TP53BP1: variants seen among roughly 807,000 people sequenced by gnomAD.
TP53BP1 encodes the protein TP53-binding protein 1.
A neutral mutation model predicts 200.8 loss-of-function variants in TP53BP1; 61 were observed. The ratio of observed to expected loss-of-function variants is 0.30; its 90% confidence interval spans 0.25 to 0.38. The LOEUF (loss-of-function observed/expected upper bound fraction) is 0.38. Among genes scored for constraint, TP53BP1 ranks in the 10% least tolerant of loss-of-function variants. TP53BP1 has a pLI of 1.00. For synonymous variants in TP53BP1, 822 were observed against 844.3 expected (o/e 0.97, Z 0.46); for missense variants, 2,144 against 2,371.9 (o/e 0.90, Z 2.00).
In TP53BP1 at chr15:43,458,159, C is replaced by T. The variant is rs565042271; in HGVS notation, c.1390-941G>A. 3.7e-4 allele frequency among the ~76,000 whole-genome samples: 56 copies of T among 152,122 alleles called. 1 individual carries two copies. The South Asian group carries it at 0.011, about 30-fold the overall frequency. ...AAAAGCAACTAACATAGGCCAGGCACGGTGGCTCACACCTGTAATCCCAGC... is the reference window on the plus strand; with the variant it reads ...AAAAGCAACTAACATAGGCCAGGCATGGTGGCTCACACCTGTAATCCCAGC... On this transcript the variant is annotated intron_variant, in intron 11 of 27. Transcript: ENST00000382044.
At chr15:43,416,622 G>GAA in intron 21 of TP53BP1, 1 of 415,118 alleles carries the variant, frequency 2.4e-6, no homozygotes. Flanking sequence ...TTAGGACAAG[G>GAA]AAAGTTTCTT....
rs944474760 is a variant in TP53BP1 at position 43,455,897 on chromosome 15, G to T, written c.2711C>A (p.Ser904Tyr). The change falls in exon 12 of 28, where the codon TCT becomes TAT. Residue 904 changes from serine to tyrosine, a missense_variant. Physicochemically the swap from Ser to Tyr is moderately radical, Grantham distance 144. Coordinates refer to ENST00000382044, the MANE Select transcript of TP53BP1 (RefSeq NM_001141980.3). ...TAATCTACAATCACACTCACCACTA[G>T]AACTTTCACAGAAGCTTTGTGAGGC... Reference protein sequence around the residue: ...AHASQSFCESSSETPFHFTLP... With the variant: ...AHASQSFCESYSETPFHFTLP... 6.2e-7 allele frequency: 1 copy of T among 1,613,828 alleles called. No homozygotes were observed. The highest frequency in any genetic ancestry group is 1.3e-5 in the African/African-American group (1 of 74,900).
rs1428273848 is a variant in TP53BP1 at position 43,485,276 on chromosome 15, T to C, written c.372-4254A>G. 2.0e-5 allele frequency among the ~76,000 whole-genome samples: 3 copies of C among 152,008 alleles called. No individual in the cohort carries two copies. The South Asian group carries it at 6.2e-4, about 32-fold the overall frequency. On this transcript the variant is annotated intron_variant, in intron 4 of 27. Coordinates refer to ENST00000382044, the MANE Select transcript of TP53BP1 (RefSeq NM_001141980.3). ...CCAAGAACACCTGGCACACAGAAAATACTCAATAGAAGGTACTTTGGCCGG... is the reference window on the plus strand; with the variant it reads ...CCAAGAACACCTGGCACACAGAAAACACTCAATAGAAGGTACTTTGGCCGG...
chr15:43,423,231 C>T (rs560564892), intron 18 of TP53BP1, among the ~76,000 whole-genome samples: 2 of 150,448 alleles, frequency 1.3e-5, no homozygotes, highest in Non-Finnish European at 3.0e-5. Context: ...GCTATGGGCA[C>T]AGCATAGAGA....
chr15:43,422,289 G>A (rs1229816875), intron 18 of TP53BP1, among the ~76,000 whole-genome samples, 163 bp from the exon 19 acceptor site: 2 of 152,094 alleles, frequency 1.3e-5, no homozygotes, highest in Admixed American at 1.3e-4. Context: ...GTTTTGAGTA[G>A]TGGTTAGATA....
chr15:43,495,532 C>CACACACACA (rs1288150243), upstream of TP53BP1, among the ~76,000 whole-genome samples: 2 of 141,804 alleles, frequency 1.4e-5, no homozygotes, highest in East Asian at 2.1e-4. Flanking sequence ...CACACACACA[C>CACACACACA]AAAAGCCAGG....
At chr15:43,500,022 C>T (rs773852120) in intron 1 of TP53BP1, among the ~76,000 whole-genome samples, 12 of 152,152 alleles carry the variant, frequency 7.9e-5, no homozygotes, top group Non-Finnish European at 1.3e-4. Flanking sequence ...TACTCTCACT[C>T]CTTTCTTGAT....
chr15:43,496,519 C>T (rs1485931776), upstream of TP53BP1, among the ~76,000 whole-genome samples: 2 of 152,082 alleles, frequency 1.3e-5, no homozygotes, highest in East Asian at 1.9e-4. Flanking sequence ...AGTTGCTTCA[C>T]GATCTTATGA....
chr15:43,495,848 C>G (rs573546597), upstream of TP53BP1, among the ~76,000 whole-genome samples: 12 of 151,460 alleles, frequency 7.9e-5, no homozygotes, highest in South Asian at 2.5e-3. Context: ...AAACCTCAGC[C>G]TGACTAAAAA....
At chr15:43,473,414 C>G (rs1184090068) in intron 10 of TP53BP1, among the ~76,000 whole-genome samples, 6 of 152,116 alleles carry the variant, frequency 3.9e-5, no homozygotes, top group Admixed American at 1.3e-4. Context: ...CACGTCCCCA[C>G]CAGATTAGCT....
chr15:43,422,241 C>G, intron 18 of TP53BP1, 115 bp from the exon 19 acceptor site: 1 of 1,235,850 alleles, frequency 8.1e-7, no homozygotes, highest in Non-Finnish European at 1.1e-6. Context: ...AGGTGAGAAT[C>G]AGGAGACTTT....
chr15:43,407,681 CTAT>C, intron 27 of TP53BP1, 111 bp from the exon 28 acceptor site: 1 of 1,078,580 alleles, frequency 9.3e-7, no homozygotes, highest in Non-Finnish European at 1.3e-6. Flanking sequence ...AACCAAAGCC[CTAT>C]TATGTCAAAC....
intron 14 of TP53BP1, among the ~76,000 whole-genome samples, chr15:43,445,828 C>A (rs1000824767): frequency 3.3e-5 from 5 of 152,086 alleles, no homozygotes; most frequent in African/African-American, 1.2e-4. Context: ...ATTTACCAGG[C>A]AGGAGAACAG....
chr15:43,455,858 G>C, intron 12 of TP53BP1, 34 bp downstream of exon 12: 1 of 1,606,598 alleles, frequency 6.2e-7, no homozygotes, highest in Non-Finnish European at 8.5e-7. Context: ...TTATAATTTA[G>C]GTGGAGACAA....
At chr15:43,430,095 G>T (rs1465336611) in intron 17 of TP53BP1, among the ~76,000 whole-genome samples, 2 of 152,176 alleles carry the variant, frequency 1.3e-5, no homozygotes, top group African/African-American at 4.8e-5. Context: ...GAAAAGAGGT[G>T]TCTGTAAAAT....
intron 12 of TP53BP1, among the ~76,000 whole-genome samples, chr15:43,449,708 T>C (rs1399127189): frequency 6.6e-6 from 1 of 152,196 alleles, no homozygotes; most frequent in Non-Finnish European, 1.5e-5. Context: ...GCACACTTTC[T>C]GCAGCCTTCC....
intron 4 of TP53BP1, among the ~76,000 whole-genome samples, chr15:43,483,453 AAG>A (rs1314310945): frequency 2.0e-5 from 3 of 152,186 alleles, no homozygotes; most frequent in Non-Finnish European, 4.4e-5. Flanking sequence ...TGAACAAAAA[AAG>A]AGAGAAAAGA....
Position 43,416,239 on chromosome 15 carries a change from G to C in TP53BP1, c.4859C>G (p.Ala1620Gly). 1 of 1,613,556 alleles carries C rather than the reference G, an allele frequency of 6.2e-7. No homozygotes were observed. The highest frequency in any genetic ancestry group is 8.5e-7 in the Non-Finnish European group (1 of 1,179,860). Reference sequence around the variant, plus strand: ...AAAAGTCTTACCTAAGCTGATATCTGCTGCCTTTGTAAGAGGTGTTACTGC... The same window carrying C: ...AAAAGTCTTACCTAAGCTGATATCTCCTGCCTTTGTAAGAGGTGTTACTGC... The part of the protein sequence containing the change: ...YEAVTPLTKA[A>G]DISLDNLVEG... Residue 1620 changes from alanine to glycine, a missense_variant, in exon 22 of 28, where the codon GCA becomes GGA. Around this residue, in one of 4 missense-constraint regions of TP53BP1, gnomAD observed 334 missense variants for 453.4 expected, o/e 0.74. Coordinates refer to ENST00000382044, the MANE Select transcript of TP53BP1 (RefSeq NM_001141980.3).
chr15:43,441,854 G>A (rs575217308), intron 14 of TP53BP1, among the ~76,000 whole-genome samples: 1 of 151,930 alleles, frequency 6.6e-6, no homozygotes. Context: ...GGGTTCAAGC[G>A]ATCTCCTGCC....
Sources: gnomAD v4.1 joint callset for allele counts (sites outside exome capture counted in the v4.1 genomes callset) on GRCh38, gnomAD v4.1.1 for gene constraint, gnomAD v4.1.1 regional missense constraint, MANE v1.5 for transcripts, NCBI Gene and HGNC (gene_info 2026-07-23, HGNC 2026-07-21) for gene names.